Variants in HERC5 observed in about 807,000 individuals in gnomAD.
The protein encoded by HERC5 is HECT and RLD domain containing E3 ubiquitin protein ligase 5, also known as E3 ISG15--protein ligase HERC5.
A neutral mutation model predicts 119.6 loss-of-function variants in HERC5; 99 were observed. That is an observed-to-expected ratio of 0.83 (90% CI 0.70 to 0.98). The LOEUF (loss-of-function observed/expected upper bound fraction) is 0.98. HERC5 is among the 50% of genes least tolerant of loss of function. The pLI is 0.00. For synonymous variants in HERC5, 478 were observed against 445.9 expected, an observed-to-expected ratio of 1.07 and a Z score of -0.91; for missense variants, 1,267 against 1,241.3, an observed-to-expected ratio of 1.02 and a Z score of -0.31.
At chr4:88,504,761 T>C (rs952867242) in intron 22 of HERC5, among the ~76,000 whole-genome samples, 164 bp downstream of exon 22, 6 of 152,228 alleles carry the variant, frequency 3.9e-5, no homozygotes, top group African/African-American at 1.4e-4. Context: ...AATGTTAATA[T>C]CTATAAGCAA....
chr4:88,472,288 T>C, intron 10 of HERC5, 121 bp from the exon 11 acceptor site: 1 of 658,640 alleles, frequency 1.5e-6, no homozygotes, highest in Middle Eastern at 2.8e-4. Flanking sequence ...ATTTAGACAA[T>C]TTATTATAGT....
At chr4:88,478,884 T>C (rs1741173694) in intron 12 of HERC5, among the ~76,000 whole-genome samples, 3 of 151,786 alleles carry the variant, frequency 2.0e-5, no homozygotes, top group Admixed American at 2.0e-4. Flanking sequence ...AGTGCTGGGA[T>C]TGTAGGTGTG....
At chr4:88,495,366 C>A (rs1378029602) in intron 18 of HERC5, among the ~76,000 whole-genome samples, 1 of 151,994 alleles carries the variant, frequency 6.6e-6, no homozygotes, top group Admixed American at 6.6e-5. Flanking sequence ...CTGACCAACA[C>A]GGCGAGACCT....
Position 88,504,283 on chromosome 4 carries a change from G to T in HERC5, c.2634G>T (p.Lys878Asn), listed in dbSNP as rs1742038936. ...YINYIFNDSV[K>N]AVYEEFRRGF... ...ATTACATTTTCAACGACTCTGTAAAGGCGGTTTATGAAGAATTTCGGAGAG... is the reference window on the plus strand; with the variant it reads ...ATTACATTTTCAACGACTCTGTAAATGCGGTTTATGAAGAATTTCGGAGAG... Residue 878 changes from lysine to asparagine, a missense_variant, in exon 21 of 23, where the codon AAG (lysine) becomes AAT (asparagine). By Grantham distance (94) the Lys-to-Asn change is moderately conservative (BLOSUM62 0). Coordinates refer to ENST00000264350, the MANE Select transcript of HERC5 (RefSeq NM_016323.4). 1 of 1,612,172 alleles carries T rather than the reference G, an allele frequency of 6.2e-7. No individual in the cohort carries two copies. Among genetic ancestry groups the T allele is most frequent in the South Asian group, 1.1e-5 (1 of 90,880 alleles).
rs1471720730 is a variant in HERC5 at position 88,479,354 on chromosome 4, A to G, written c.1584A>G (p.Glu528=). 2 of 1,580,158 alleles carry G rather than the reference A, an allele frequency of 1.3e-6. No individual in the cohort carries two copies. Among genetic ancestry groups the G allele is most frequent in the Non-Finnish European group, 1.7e-6 (2 of 1,169,818 alleles). Residue 528 remains glutamate (E), a splice_region_variant and synonymous_variant, in exon 13 of 23, where the codon GAA becomes GAG. Coordinates refer to ENST00000264350, the MANE Select transcript of HERC5 (RefSeq NM_016323.4). ...KMSDQSSLVL[E]EYWATLQEST... ...ATTTGCTTTCCTTGTGTTCCTCAGAAGAGTATTGGGCAACTCTGCAAGAAT... is the reference window on the plus strand; with the variant it reads ...ATTTGCTTTCCTTGTGTTCCTCAGAGGAGTATTGGGCAACTCTGCAAGAAT...
chr4:88,460,477 C>T, intron 3 of HERC5, among the ~76,000 whole-genome samples: 1 of 152,216 alleles, frequency 6.6e-6, no homozygotes, highest in Non-Finnish European at 1.5e-5. Context: ...CCTGGGGCCA[C>T]CCTTTTCCAG....
intron 20 of HERC5, among the ~76,000 whole-genome samples, chr4:88,501,830 G>A (rs1741955402): frequency 6.6e-6 from 1 of 151,624 alleles, no homozygotes; most frequent in East Asian, 1.9e-4. Flanking sequence ...ATGGCACCTC[G>A]CTCTGTCACC....
intron 6 of HERC5, among the ~76,000 whole-genome samples, chr4:88,464,880 TC>T (rs1280295326): frequency 6.6e-6 from 1 of 152,316 alleles, no homozygotes; most frequent in East Asian, 1.9e-4. Flanking sequence ...ACACCATTCT[TC>T]TGCCTCAGCC....
At chr4:88,467,264 TA>T (rs1740704640) in intron 7 of HERC5, 60 bp downstream of exon 7, 15 of 1,543,970 alleles carry the variant, frequency 9.7e-6, no homozygotes, top group Non-Finnish European at 1.3e-5. Context: ...ATGATTTTTC[TA>T]ACTAGGTAAT....
Position 88,468,353 on chromosome 4 carries a change from T to TA in HERC5, c.1066dup (p.Thr356AsnfsTer28). 1 of 1,608,698 alleles carries TA rather than the reference T, an allele frequency of 6.2e-7. No individual in the cohort carries two copies. The highest frequency in any genetic ancestry group is 1.3e-5 in the African/African-American group (1 of 74,848). ...CTTTGTGCATCCTTTCAGAAAGCCA[T>TA]ACCTCAGAAAAGGAGTTAATAATGA... On this transcript the variant is annotated frameshift_variant, in exon 8 of 23. Transcript: ENST00000264350. LOFTEE classifies it high-confidence loss of function.
rs759946816 is a variant in HERC5, at chr4:88,468,443, G to T, written c.1134+21G>T. The T allele has an allele frequency of 2.6e-5, 40 of 1,517,230 alleles. No individual in the cohort carries two copies. The South Asian group carries it at 4.6e-4, about 17-fold the overall frequency. The allele number at this position is 1,517,230 out of a possible 1,614,324, so 94.0% of individuals were successfully genotyped here. ...AAGAGGTAAAAATAGATCTCCAGGT[G>T]TTCTATAACCTGGTATTTTAAGCAA... On this transcript the variant is annotated intron_variant, in intron 8 of 22. Transcript: ENST00000264350.
intron 9 of HERC5, among the ~76,000 whole-genome samples, 159 bp downstream of exon 9, chr4:88,469,419 A>G (rs920496373): frequency 7.2e-5 from 11 of 152,180 alleles, no homozygotes; most frequent in African/African-American, 2.7e-4. Flanking sequence ...TATCTCTATC[A>G]TGTCTGTCTG....
At chr4:88,494,882 G>A (rs995841150) in intron 18 of HERC5, among the ~76,000 whole-genome samples, 7 of 152,182 alleles carry the variant, frequency 4.6e-5, no homozygotes, top group South Asian at 2.1e-4. Context: ...GCATATTAAC[G>A]TGAGAGGCTA....
chr4:88,459,213 G>T, intron 1 of HERC5, 134 bp from the exon 2 acceptor site: 1 of 653,632 alleles, frequency 1.5e-6, no homozygotes, highest in East Asian at 3.2e-5. Context: ...ATTTTCTTAA[G>T]AGAAGTTCAT....
intron 6 of HERC5, 54 bp from the exon 7 acceptor site, chr4:88,467,005 A>G (rs1740692142): frequency 1.9e-6 from 3 of 1,573,764 alleles, no homozygotes; most frequent in African/African-American, 2.7e-5. Flanking sequence ...ATTGCTAAAC[A>G]CTCTCATCAT....
chr4:88,505,681 A>T lies in HERC5; in HGVS notation c.2878A>T (p.Thr960Ser), dbSNP rs2149111952. Residue 960 changes from threonine to serine, a missense_variant, in exon 23 of 23, where the codon ACA becomes TCA. Physicochemically the swap from Thr to Ser is moderately conservative, Grantham distance 58. Coordinates refer to ENST00000264350, the MANE Select transcript of HERC5 (RefSeq NM_016323.4). ...EEKKKFLVFLTGTDRLQMKDL... is the reference protein window; with the variant it reads ...EEKKKFLVFLSGTDRLQMKDL... Reference sequence around the variant, plus strand: ...TTTATTCTTCTTTTTAGTATTTCTTACAGGAACTGACAGACTACAAATGAA... The same window carrying T: ...TTTATTCTTCTTTTTAGTATTTCTTTCAGGAACTGACAGACTACAAATGAA... 2.0e-6 allele frequency: 3 copies of T among 1,534,672 alleles called. No individual in the cohort carries two copies. The highest frequency in any genetic ancestry group is 2.7e-6 in the Non-Finnish European group (3 of 1,114,980).
chr4:88,463,829 T>C, intron 5 of HERC5, 26 bp from the exon 6 acceptor site: 2 of 1,610,456 alleles, frequency 1.2e-6, no homozygotes, highest in Non-Finnish European at 1.7e-6. Context: ...TTTTCTAGCA[T>C]CTGATATGAC....
rs866408595 is a variant in HERC5, at chr4:88,475,066, A to G, written c.1393-775A>G. Among the ~76,000 whole-genome samples the G allele has an allele frequency of 3.3e-5, 5 of 151,690 alleles. No homozygotes were observed. The South Asian group carries it at 8.3e-4, about 25-fold the overall frequency. ...GTGGTAGAGACAGTTGCTCTTATGG[A>G]AGATAATGAGAATTATGTTAAATTT... On this transcript the variant is annotated intron_variant, in intron 11 of 22. Transcript: ENST00000264350.
chr4:88,467,143 A>C lies in HERC5; in HGVS notation c.996A>C (p.Gly332=). 2 of 1,614,236 alleles carry C rather than the reference A, an allele frequency of 1.2e-6. No individual in the cohort carries two copies. Among genetic ancestry groups the C allele is most frequent in the Non-Finnish European group, 1.7e-6 (2 of 1,180,034 alleles). Reference sequence around the variant, plus strand: ...AAGATGGACAACTGGGAAATGGTGGAACACGTGACCAGCTGATGCCGCTTC... The same window carrying C: ...AAGATGGACAACTGGGAAATGGTGGCACACGTGACCAGCTGATGCCGCTTC... ...SGKDGQLGNG[G]TRDQLMPLPV... Residue 332 remains glycine, a synonymous_variant, in exon 7 of 23, where the codon GGA becomes GGC. Transcript: ENST00000264350.
Sources: gnomAD v4.1 joint callset for allele counts (sites outside exome capture counted in the v4.1 genomes callset) on GRCh38, gnomAD v4.1.1 for gene constraint, MANE v1.5 for transcripts, NCBI Gene and HGNC (gene_info 2026-07-23, HGNC 2026-07-21) for gene names.